TRDN: variants seen among roughly 807,000 people sequenced by gnomAD.
The protein encoded by TRDN is triadin in skeletal muscle.
Under a neutral mutation model 149.7 loss-of-function variants are expected in TRDN, and 161 were observed. That is an observed-to-expected ratio of 1.08 (90% CI 0.95 to 1.23). TRDN has a LOEUF of 1.23. TRDN is among the 50% of genes most tolerant of loss of function. TRDN has a pLI of 0.00. For missense variants in TRDN, 896 were observed against 823.5 expected (o/e 1.09, Z -1.08); for synonymous variants, 294 against 250.5 (o/e 1.17, Z -1.64).
chr6:123,330,130 C>T (rs1779606864), intron 23 of TRDN, among the ~76,000 whole-genome samples: 1 of 151,912 alleles, frequency 6.6e-6, no homozygotes, highest in South Asian at 2.1e-4. Context: ...CTAAAATAAA[C>T]AAAAACTAAA....
chr6:123,261,820 A>G (rs1776781287), intron 33 of TRDN, among the ~76,000 whole-genome samples: 1 of 151,888 alleles, frequency 6.6e-6, no homozygotes, highest in African/African-American at 2.4e-5. Flanking sequence ...TTTTGGCAAT[A>G]GTGTTCATAT....
intron 4 of TRDN, among the ~76,000 whole-genome samples, chr6:123,534,781 C>T (rs575871341): frequency 6.6e-6 from 1 of 152,230 alleles, no homozygotes; most frequent in East Asian, 1.9e-4. Flanking sequence ...AGGTGAATGT[C>T]TCCACTTAAT....
chr6:123,570,995 T>C lies in TRDN; in HGVS notation c.160A>G (p.Ile54Val). 6.2e-7 allele frequency: 1 copy of C among 1,614,014 alleles called. No homozygotes were observed. Among genetic ancestry groups the C allele is most frequent in the South Asian group, 1.1e-5 (1 of 91,080 alleles). The change falls in exon 2 of 41, where the codon ATT (isoleucine) becomes GTT (valine). Residue 54 changes from isoleucine to valine, a missense_variant. Coordinates refer to ENST00000334268, the MANE Select transcript of TRDN (RefSeq NM_006073.4). ...GCTGACCACGTGATTATCAGGGCAA[T>C]GACCAGAAGCCAGGCTGCAGGGGAG... ...FSSPAAWLLV[I>V]ALIITWSAVA...
chr6:123,277,881 C>CAA (rs1309441939), intron 26 of TRDN, among the ~76,000 whole-genome samples: 1 of 152,232 alleles, frequency 6.6e-6, no homozygotes, highest in East Asian at 1.9e-4. Flanking sequence ...AAACATTAAA[C>CAA]AAAATTTTAA....
Position 123,218,116 on chromosome 6 carries a change from C to A in TRDN, c.*485G>T, listed in dbSNP as rs954962770. On this transcript the variant is annotated 3_prime_UTR_variant, in exon 41 of 41. Coordinates refer to ENST00000334268, the MANE Select transcript of TRDN (RefSeq NM_006073.4). Reference sequence around the variant, plus strand: ...GAAATAGACAAAAATAAAATAAAATCATTAAGCATCAACTTATTGGGTAAA... The same window carrying A: ...GAAATAGACAAAAATAAAATAAAATAATTAAGCATCAACTTATTGGGTAAA... The A allele has an allele frequency of 5.3e-5, 8 of 151,954 alleles. No homozygotes were observed. Among genetic ancestry groups the A allele is most frequent in the African/African-American group, 1.9e-4 (8 of 41,460 alleles). 9.4% of individuals were successfully genotyped at this position (151,954 alleles called of 1,614,324 possible).
At chr6:123,274,513 T>G in intron 27 of TRDN, 128 bp downstream of exon 27, 1 of 745,298 alleles carries the variant, frequency 1.3e-6, no homozygotes, top group Non-Finnish European at 2.1e-6. Flanking sequence ...AGCAATGGAG[T>G]TGACAAAATA....
chr6:123,297,359 T>A (rs997300175), intron 24 of TRDN, among the ~76,000 whole-genome samples: 1 of 152,094 alleles, frequency 6.6e-6, no homozygotes, highest in African/African-American at 2.4e-5. Flanking sequence ...TTGAAGAGAC[T>A]GTTTAGTAGC....
At chr6:123,336,099 C>T (rs911743081) in intron 22 of TRDN, among the ~76,000 whole-genome samples, 1 of 151,014 alleles carries the variant, frequency 6.6e-6, no homozygotes, top group African/African-American at 2.4e-5. Flanking sequence ...AGTGTATGTC[C>T]AATGCATCTA....
rs150731880 is a variant in TRDN, at chr6:123,297,716, A to G, written c.1511-18634T>C. On this transcript the variant is annotated intron_variant, in intron 24 of 40. Transcript: ENST00000334268. ...GGTATACTTCCTTCAAAGGCCATGC[A>G]AAGGGCGCATCCATTCCAGACATCA... Among the ~76,000 whole-genome samples the G allele has an allele frequency of 1.4e-3, 217 of 152,150 alleles. 4 individuals carry two copies. The East Asian group carries it at 0.036, about 25-fold the overall frequency.
At chr6:123,319,769 A>G (rs758111232) in intron 23 of TRDN, among the ~76,000 whole-genome samples, 9 of 152,146 alleles carry the variant, frequency 5.9e-5, no homozygotes, top group Non-Finnish European at 1.0e-4. Context: ...AAAAGTCCCC[A>G]TGCTAAGTTG....
At chr6:123,278,186 G>A (rs1334793924) in intron 26 of TRDN, 132 bp downstream of exon 26, 8 of 588,964 alleles carry the variant, frequency 1.4e-5, no homozygotes, top group Non-Finnish European at 2.1e-5. Context: ...TATTTTGTTA[G>A]TTTTTTTTTA....
At chr6:123,381,568 G>T (rs1397546568) in intron 15 of TRDN, among the ~76,000 whole-genome samples, 178 bp from the exon 16 acceptor site, 3 of 151,826 alleles carry the variant, frequency 2.0e-5, no homozygotes, top group Non-Finnish European at 4.4e-5. Context: ...TACTGTAGGT[G>T]CTTCCATAAT....
At position 123,218,740 on chromosome 6, in the gene TRDN, C is replaced by T. The variant is rs769692132; in HGVS notation, c.2051G>A (p.Ser684Asn). 2.6e-6 allele frequency: 4 copies of T among 1,565,216 alleles called. No homozygotes were observed. The South Asian group carries it at 4.6e-5, about 18-fold the overall frequency. Residue 684 changes from serine to asparagine, a missense_variant and splice_region_variant, in exon 41 of 41, where the codon AGT (serine) becomes AAT (asparagine). Transcript: ENST00000334268. ...GACACACTGGAAGAAACTGATGGGA[C>T]CTAAGGAACAGAGCATGACAGTTTG... ...TEDVSPTKQK[S>N]PISFFQCVYL...
chr6:123,451,713 T>C (rs956943745), intron 10 of TRDN, among the ~76,000 whole-genome samples: 1 of 152,008 alleles, frequency 6.6e-6, no homozygotes, highest in Non-Finnish European at 1.5e-5. Flanking sequence ...TTCCACAAGA[T>C]AGAGAAATAA....
chr6:123,237,975 A>G (rs1477995137), intron 38 of TRDN, among the ~76,000 whole-genome samples: 1 of 152,206 alleles, frequency 6.6e-6, no homozygotes, highest in Non-Finnish European at 1.5e-5. Context: ...AGAAAACAAT[A>G]GAGTTGAATA....
intron 24 of TRDN, among the ~76,000 whole-genome samples, chr6:123,280,703 C>G (rs988765684): frequency 7.4e-6 from 1 of 134,528 alleles, no homozygotes; most frequent in Non-Finnish European, 1.6e-5. Flanking sequence ...TTAGCTGTCT[C>G]TTTCTCAGAA....
intron 23 of TRDN, among the ~76,000 whole-genome samples, chr6:123,329,245 C>T (rs960212639): frequency 4.6e-5 from 7 of 152,068 alleles, no homozygotes; most frequent in African/African-American, 1.7e-4. Context: ...TCTACCTTTA[C>T]TCAAAGAAGA....
At chr6:123,473,860 C>T (rs940250392) in intron 9 of TRDN, among the ~76,000 whole-genome samples, 42 of 151,742 alleles carry the variant, frequency 2.8e-4, no homozygotes, top group Middle Eastern at 3.4e-3. Context: ...CATAAGCGAA[C>T]GAGAAATAAA....
At chr6:123,417,808 C>T (rs539527310) in intron 12 of TRDN, among the ~76,000 whole-genome samples, 1 of 152,168 alleles carries the variant, frequency 6.6e-6, no homozygotes, top group African/African-American at 2.4e-5. Flanking sequence ...ACAGTATTTG[C>T]CCTGTGGACA....
Sources: gnomAD v4.1 joint callset for allele counts (sites outside exome capture counted in the v4.1 genomes callset) on GRCh38, gnomAD v4.1.1 for gene constraint, MANE v1.5 for transcripts, NCBI Gene and HGNC (gene_info 2026-07-23, HGNC 2026-07-21) for gene names.